The following ZNF589 variants were observed in gnomAD, a reference collection of about 807,000 sequenced individuals.
ZNF589 encodes KRAB-zinc finger protein SZF1-1.
In ZNF589, 17 loss-of-function variants were observed where a neutral mutation model predicts 13.6. The observed-to-expected ratio is 1.25, with a 90% CI of 0.86 to 1.88. The LOEUF is 1.88. ZNF589 is among the 40% of genes most tolerant of loss of function. ZNF589 has a pLI of 0.00. For synonymous variants in ZNF589, 148 were observed against 161.6 expected (o/e 0.92, Z 0.64); for missense variants, 407 against 434.0 (o/e 0.94, Z 0.55).
chr3:48,253,781 C>T (rs1159018051), intron 2 of ZNF589, among the ~76,000 whole-genome samples: 1 of 151,954 alleles, frequency 6.6e-6, no homozygotes, highest in African/African-American at 2.4e-5. Flanking sequence ...GGATTACAGG[C>T]GTGAGCCACC....
intron 2 of ZNF589, 142 bp from the exon 3 acceptor site, chr3:48,260,671 A>C: frequency 8.7e-7 from 1 of 1,149,576 alleles, no homozygotes; most frequent in Non-Finnish European, 1.2e-6. Context: ...GGCCTCCCAA[A>C]GTGCTAGGAT....
chr3:48,269,209 G>T lies in ZNF589; in HGVS notation c.*423G>T. 2 of 1,356,474 alleles carry T rather than the reference G, an allele frequency of 1.5e-6. No individual in the cohort carries two copies. Among genetic ancestry groups the T allele is most frequent in the Non-Finnish European group, 2.1e-6 (2 of 965,884 alleles). 84.0% of individuals were successfully genotyped at this position (1,356,474 alleles called of 1,614,324 possible). A position where few individuals can be genotyped will look rare whatever the true frequency, so the allele number is the denominator to read the frequency against. ...AGCCTTATGCATGCACGGAGTGTGG[G>T]CAAGGCTTTATCACGAAATCACAGC... On this transcript the variant is annotated 3_prime_UTR_variant, in exon 4 of 4. Transcript: ENST00000354698.
At chr3:48,245,238 C>T (rs1373102829) in intron 1 of ZNF589, among the ~76,000 whole-genome samples, 1 of 152,116 alleles carries the variant, frequency 6.6e-6, no homozygotes. Flanking sequence ...CTTCAGCCTC[C>T]CAAGTAGCTG....
At chr3:48,254,491 G>A (rs958392902) in intron 2 of ZNF589, among the ~76,000 whole-genome samples, 2 of 152,090 alleles carry the variant, frequency 1.3e-5, no homozygotes, top group Admixed American at 6.6e-5. Flanking sequence ...TCAGTTTCTC[G>A]ATAGGTACAA....
At chr3:48,260,757 T>C in intron 2 of ZNF589, 56 bp from the exon 3 acceptor site, 1 of 1,610,774 alleles carries the variant, frequency 6.2e-7, no homozygotes, top group South Asian at 1.1e-5. Flanking sequence ...CCAGTTCCAT[T>C]TTCACTGTGA....
At chr3:48,264,039 C>T (rs1327266298) in intron 3 of ZNF589, among the ~76,000 whole-genome samples, 1 of 152,104 alleles carries the variant, frequency 6.6e-6, no homozygotes. Flanking sequence ...GTTCTGTAGA[C>T]ATAGAAACCA....
chr3:48,267,353 C>T (rs184268622), intron 3 of ZNF589, among the ~76,000 whole-genome samples: 35 of 152,238 alleles, frequency 2.3e-4, no homozygotes, highest in Admixed American at 2.2e-3. Context: ...AGGCCAGACC[C>T]TTTATCAGCC....
chr3:48,257,108 T>C (rs1442957975), intron 2 of ZNF589: 3 of 443,404 alleles, frequency 6.8e-6, no homozygotes, highest in Non-Finnish European at 1.3e-5. Context: ...TATATTGATC[T>C]GTAGTTTTAA....
At chr3:48,252,351 A>G (rs1044986155) in intron 2 of ZNF589, among the ~76,000 whole-genome samples, 3 of 151,108 alleles carry the variant, frequency 2.0e-5, no homozygotes, top group Non-Finnish European at 4.4e-5. Context: ...GCTGCCATGC[A>G]CGGCTAATTT....
chr3:48,241,416 G>C (rs1171236498), intron 1 of ZNF589, among the ~76,000 whole-genome samples: 1 of 152,238 alleles, frequency 6.6e-6, no homozygotes, highest in Non-Finnish European at 1.5e-5. Flanking sequence ...CTCACTCCAC[G>C]ACTCTTCACC....
At chr3:48,241,541 A>G (rs141497599) in intron 1 of ZNF589, among the ~76,000 whole-genome samples, 2 of 152,286 alleles carry the variant, frequency 1.3e-5, no homozygotes, top group East Asian at 3.9e-4. Flanking sequence ...ATTATATCAT[A>G]TTTATTTTGA....
intron 2 of ZNF589, among the ~76,000 whole-genome samples, 175 bp downstream of exon 2, chr3:48,247,852 T>C (rs2033786830): frequency 6.6e-6 from 1 of 152,226 alleles, no homozygotes; most frequent in Admixed American, 6.5e-5. Flanking sequence ...TTTCTATTTT[T>C]TGAGCTTATA....
chr3:48,270,305 T>C lies in ZNF589; in HGVS notation c.*1519T>C. The C allele has an allele frequency of 2.2e-6, 1 of 447,026 alleles. No individual in the cohort carries two copies. Among genetic ancestry groups the C allele is most frequent in the Non-Finnish European group, 4.5e-6 (1 of 221,338 alleles). 27.7% of individuals were successfully genotyped at this position (447,026 alleles called of 1,614,324 possible). Reference sequence around the variant, plus strand: ...ACCACACTCTAAAAGTTCTTCAGACTCAGGACTTAAACATAGCCACGCCAC... The same window carrying C: ...ACCACACTCTAAAAGTTCTTCAGACCCAGGACTTAAACATAGCCACGCCAC... On this transcript the variant is annotated 3_prime_UTR_variant, in exon 4 of 4. Transcript: ENST00000354698.
chr3:48,270,046 C>T lies in ZNF589; in HGVS notation c.*1260C>T, dbSNP rs761040240. ...GAGAGCAGAGGTGTCAAGTGACGGTCCCCTTGGAGGAATGGTCTTTGCATC... is the reference window on the plus strand; with the variant it reads ...GAGAGCAGAGGTGTCAAGTGACGGTTCCCTTGGAGGAATGGTCTTTGCATC... On this transcript the variant is annotated 3_prime_UTR_variant, in exon 4 of 4. Transcript: ENST00000354698. 8 of 457,294 alleles carry T rather than the reference C, an allele frequency of 1.7e-5. No individual in the cohort carries two copies. Among genetic ancestry groups the T allele is most frequent in the South Asian group, 1.1e-4 (7 of 64,564 alleles). 28.3% of individuals were successfully genotyped at this position (457,294 alleles called of 1,614,324 possible).
At chr3:48,244,711 T>C (rs1473401557) in intron 1 of ZNF589, among the ~76,000 whole-genome samples, 1 of 151,970 alleles carries the variant, frequency 6.6e-6, no homozygotes, top group East Asian at 1.9e-4. Flanking sequence ...TTTTTTTTTT[T>C]CTTGCAAACC....
At position 48,241,993 on chromosome 3, in the gene ZNF589, G is replaced by C. The variant is rs941408354; in HGVS notation, c.43+779G>C. On this transcript the variant is annotated intron_variant, in intron 1 of 3. Transcript: ENST00000354698. ...CACCACCCCGGCTGTTGTATTTTTA[G>C]TAGAGAGGGGATTTCGCCATATTTG... 2.6e-5 allele frequency among the ~76,000 whole-genome samples: 4 copies of C among 151,954 alleles called. No individual in the cohort carries two copies. In the East Asian group the frequency reaches 7.7e-4, roughly 29 times the overall value.
intron 1 of ZNF589, 34 bp downstream of exon 1, chr3:48,241,248 C>T: frequency 1.2e-6 from 2 of 1,606,270 alleles, no homozygotes; most frequent in Non-Finnish European, 8.5e-7. Context: ...CTCCCCCATT[C>T]GGTGCTCCAG....
chr3:48,265,815 T>A (rs891597100), intron 3 of ZNF589, among the ~76,000 whole-genome samples: 1 of 152,168 alleles, frequency 6.6e-6, no homozygotes, highest in African/African-American at 2.4e-5. Flanking sequence ...GTTCTGATGG[T>A]CTTTATTACC....
chr3:48,251,376 G>T (rs1319185310), intron 2 of ZNF589, among the ~76,000 whole-genome samples: 1 of 147,140 alleles, frequency 6.8e-6, no homozygotes, highest in African/African-American at 2.5e-5. Flanking sequence ...TAGCCTGGGT[G>T]ACAGAGCAAG....
Sources: allele counts gnomAD v4.1 joint callset (sites outside exome capture counted in the v4.1 genomes callset), GRCh38; gene constraint gnomAD v4.1.1; transcripts MANE v1.5; gene names NCBI Gene and HGNC (gene_info 2026-07-23, HGNC 2026-07-21).